MCC: variants seen among roughly 807,000 people sequenced by gnomAD.
MCC encodes MCC regulator of Wnt signaling pathway.
A neutral mutation model predicts 116.2 loss-of-function variants in MCC; 90 were observed. The ratio of observed to expected loss-of-function variants is 0.77; its 90% CI spans 0.65 to 0.92. The LOEUF is 0.92. Among genes scored for constraint, MCC ranks in the 40% least tolerant of loss-of-function variants. MCC has a pLI of 0.00. For missense variants in MCC, 1,516 were observed against 1,312.2 expected, an observed-to-expected ratio of 1.16 and a Z score of -2.40; for synonymous variants, 578 against 510.5, an observed-to-expected ratio of 1.13 and a Z score of -1.78.
chr5:113,042,193 C>T lies in MCC; in HGVS notation c.2756+1337G>A, dbSNP rs142902993. 2.1e-4 allele frequency among the ~76,000 whole-genome samples: 32 copies of T among 151,604 alleles called. No homozygotes were observed. The East Asian group carries it at 4.1e-3, about 19-fold the overall frequency. On this transcript the variant is annotated intron_variant, in intron 17 of 18. Transcript: ENST00000408903. Reference sequence around the variant, plus strand: ...AAAAAAGATGAAGGAATTTAAGGGCCGGGCAGGGCACTGCATGCCTGTAAT... The same window carrying T: ...AAAAAAGATGAAGGAATTTAAGGGCTGGGCAGGGCACTGCATGCCTGTAAT...
chr5:113,030,809 A>G (rs960718039), intron 17 of MCC, among the ~76,000 whole-genome samples: 2 of 152,260 alleles, frequency 1.3e-5, no homozygotes, highest in Non-Finnish European at 2.9e-5. Flanking sequence ...TGACACTGTA[A>G]TAAGACTAGA....
chr5:113,395,436 A>C (rs9326888), intron 1 of MCC, among the ~76,000 whole-genome samples: 67,077 of 152,070 alleles, frequency 0.44, 16,242 homozygotes, highest in African/African-American at 0.63. Context: ...TGTTCCAAAG[A>C]AGATAGCTAC....
intron 16 of MCC, among the ~76,000 whole-genome samples, chr5:113,046,795 A>G (rs1387304058): frequency 6.6e-6 from 1 of 150,762 alleles, no homozygotes; most frequent in Non-Finnish European, 1.5e-5. Context: ...ACAGTACCGC[A>G]TGGCTGATGC....
chr5:113,315,687 G>A (rs1423111568), intron 3 of MCC, among the ~76,000 whole-genome samples: 3 of 132,598 alleles, frequency 2.3e-5, no homozygotes, highest in Non-Finnish European at 4.7e-5. Flanking sequence ...GGGCAAGATG[G>A]CAAAACCCCA....
intron 1 of MCC, among the ~76,000 whole-genome samples, chr5:113,442,510 C>T (rs926149127): frequency 6.6e-6 from 1 of 152,094 alleles, no homozygotes; most frequent in Non-Finnish European, 1.5e-5. Flanking sequence ...TAATTAGATC[C>T]CATTTGTCAA....
At chr5:113,094,364 T>A (rs1433898085) in intron 8 of MCC, among the ~76,000 whole-genome samples, 1 of 151,978 alleles carries the variant, frequency 6.6e-6, no homozygotes, top group East Asian at 1.9e-4. Context: ...CCCACTAAAG[T>A]ACCTGGATGT....
chr5:113,200,899 G>A (rs1762643122), intron 3 of MCC, among the ~76,000 whole-genome samples: 1 of 152,210 alleles, frequency 6.6e-6, no homozygotes, highest in African/African-American at 2.4e-5. Flanking sequence ...ATCTTTCAAT[G>A]CATTTGGCTT....
chr5:113,273,987 G>T (rs74491757), intron 3 of MCC, among the ~76,000 whole-genome samples: 2 of 152,194 alleles, frequency 1.3e-5, no homozygotes, highest in Non-Finnish European at 2.9e-5. Flanking sequence ...GACATTCAGG[G>T]AAAGAGAGGG....
chr5:113,340,808 G>GAA (rs963528208), intron 2 of MCC, 78 bp from the exon 3 acceptor site: 12 of 1,165,786 alleles, frequency 1.0e-5, no homozygotes, highest in Middle Eastern at 2.8e-4. Context: ...CAATGATTTG[G>GAA]AACCTCCTAA....
intron 3 of MCC, among the ~76,000 whole-genome samples, chr5:113,233,518 G>A (rs1215423944): frequency 5.3e-5 from 8 of 152,114 alleles, no homozygotes; most frequent in African/African-American, 1.9e-4. Flanking sequence ...GGTATCTTAA[G>A]CCCTCATTCC....
chr5:113,200,210 G>GA (rs1159339301), intron 3 of MCC, among the ~76,000 whole-genome samples: 1 of 152,066 alleles, frequency 6.6e-6, no homozygotes, highest in Non-Finnish European at 1.5e-5. Flanking sequence ...AACCTAATAG[G>GA]AAAAAATAAA....
intron 2 of MCC, among the ~76,000 whole-genome samples, chr5:113,350,282 C>T (rs567738631): frequency 6.6e-6 from 1 of 152,132 alleles, no homozygotes; most frequent in Admixed American, 6.5e-5. Context: ...ATCACAATAC[C>T]TGACTTCCAA....
chr5:113,362,279 A>G (rs1768568598), intron 2 of MCC, among the ~76,000 whole-genome samples: 1 of 152,200 alleles, frequency 6.6e-6, no homozygotes, highest in Non-Finnish European at 1.5e-5. Flanking sequence ...TGCCTGCCTC[A>G]GATTCCCAAA....
intron 1 of MCC, among the ~76,000 whole-genome samples, chr5:113,481,675 A>G (rs1290175188): frequency 1.3e-5 from 2 of 152,074 alleles, no homozygotes; most frequent in African/African-American, 4.8e-5. Flanking sequence ...GGAGGCGGAG[A>G]TTGCAGTGAG....
intron 8 of MCC, among the ~76,000 whole-genome samples, chr5:113,089,646 G>A (rs959505678): frequency 2.0e-5 from 3 of 152,214 alleles, no homozygotes; most frequent in African/African-American, 7.2e-5. Flanking sequence ...TGCCACACGT[G>A]GCTGTAAGCA....
At chr5:113,203,053 C>A (rs1762753024) in intron 3 of MCC, among the ~76,000 whole-genome samples, 2 of 152,174 alleles carry the variant, frequency 1.3e-5, no homozygotes, top group South Asian at 4.1e-4. Flanking sequence ...GGTGACCACT[C>A]CCCTTCCCAT....
intron 3 of MCC, among the ~76,000 whole-genome samples, chr5:113,274,705 T>C (rs566534479): frequency 1.3e-5 from 2 of 152,238 alleles, no homozygotes; most frequent in African/African-American, 4.8e-5. Context: ...AGACTAGCAT[T>C]TTGGAAGCTA....
intron 3 of MCC, among the ~76,000 whole-genome samples, chr5:113,247,477 AT>A (rs199651375): frequency 6.6e-6 from 1 of 152,184 alleles, no homozygotes; most frequent in East Asian, 1.9e-4. Flanking sequence ...AATTGAGACT[AT>A]TTTCTAGATA....
intron 1 of MCC, among the ~76,000 whole-genome samples, chr5:113,463,133 G>T (rs1244855032): frequency 6.6e-6 from 1 of 152,138 alleles, no homozygotes; most frequent in African/African-American, 2.4e-5. Context: ...AGAACACACT[G>T]GAGAAACTGA....
Sources: gnomAD v4.1 joint callset for allele counts (sites outside exome capture counted in the v4.1 genomes callset) on GRCh38, gnomAD v4.1.1 for gene constraint, MANE v1.5 for transcripts, NCBI Gene and HGNC (gene_info 2026-07-23, HGNC 2026-07-21) for gene names.